PSD3: variants seen among roughly 807,000 people sequenced by gnomAD.
PSD3 encodes the protein pleckstrin and Sec7 domain containing 3.
A neutral mutation model predicts 105.5 loss-of-function variants in PSD3; 49 were observed. The ratio of observed to expected loss-of-function variants is 0.46; its 90% CI spans 0.37 to 0.59. PSD3 has a LOEUF of 0.59. PSD3 is among the 20% of genes least tolerant of loss of function. The pLI, the probability that PSD3 is intolerant of heterozygous loss-of-function variation, is 0.00. For synonymous variants in PSD3, 557 were observed against 457.8 expected (o/e 1.22, Z -2.77); for missense variants, 1,561 against 1,263.8 (o/e 1.24, Z -3.57).
At chr8:18,687,611 G>T (rs1022196436) in intron 9 of PSD3, among the ~76,000 whole-genome samples, 3 of 151,730 alleles carry the variant, frequency 2.0e-5, no homozygotes, top group Non-Finnish European at 4.4e-5. Context: ...CCCTCTGCCC[G>T]AAACAAGAAC....
Position 18,922,967 on chromosome 8 carries a change from T to G in PSD3, c.130+13067A>C, listed in dbSNP as rs1329175549. Among the ~76,000 whole-genome samples the G allele has an allele frequency of 2.6e-5, 4 of 152,070 alleles. No individual in the cohort carries two copies. In the East Asian group the frequency reaches 7.7e-4, roughly 29 times the overall value. On this transcript the variant is annotated intron_variant, in intron 2 of 15. Transcript: ENST00000327040. ...GCTCTGCAAACCCTGTCCTTTTGGG[T>G]TTTTATGGAGGCCTCATTAGTAAGC...
At chr8:18,774,751 C>A (rs1807875594) in intron 8 of PSD3, 3 of 382,058 alleles carry the variant, frequency 7.9e-6, no homozygotes, top group Non-Finnish European at 1.6e-5. Context: ...ACGGTGAGAA[C>A]ACAGGCAACA....
chr8:18,544,395 A>C (rs1191032249), intron 15 of PSD3, among the ~76,000 whole-genome samples: 2 of 152,126 alleles, frequency 1.3e-5, no homozygotes, highest in East Asian at 3.9e-4. Context: ...GCTATGCTGG[A>C]AATAACATTT....
At chr8:18,990,810 T>C (rs958925231) in intron 1 of PSD3, among the ~76,000 whole-genome samples, 1 of 152,220 alleles carries the variant, frequency 6.6e-6, no homozygotes, top group African/African-American at 2.4e-5. Context: ...ATTCCCCTGA[T>C]GATCACATTC....
chr8:18,765,842 C>T (rs1806940649), intron 8 of PSD3, among the ~76,000 whole-genome samples: 1 of 152,006 alleles, frequency 6.6e-6, no homozygotes, highest in African/African-American at 2.4e-5. Flanking sequence ...GTGGCATGCA[C>T]CTGTAGTCTC....
chr8:18,938,503 A>T (rs960757030), intron 1 of PSD3, among the ~76,000 whole-genome samples: 2 of 152,104 alleles, frequency 1.3e-5, no homozygotes, highest in African/African-American at 4.8e-5. Flanking sequence ...TGCACCTGTG[A>T]TCCCAGCTAC....
intron 1 of PSD3, among the ~76,000 whole-genome samples, chr8:19,037,370 G>T (rs1366802835): frequency 6.6e-6 from 1 of 152,240 alleles, no homozygotes; most frequent in Non-Finnish European, 1.5e-5. Flanking sequence ...CCAACCCTGG[G>T]ATTCCAGACT....
rs1799693694 is a variant in PSD3 at position 18,532,973 on chromosome 8, G to A, written c.*2770C>T. Reference sequence around the variant, plus strand: ...AAGTCCCAAGGCTCCTGGGCGCTGAGGTGGGCGACGGAGGTGGGTGGCGTA... The same window carrying A: ...AAGTCCCAAGGCTCCTGGGCGCTGAAGTGGGCGACGGAGGTGGGTGGCGTA... On this transcript the variant is annotated 3_prime_UTR_variant, in exon 16 of 16. Transcript: ENST00000327040. 1 of 152,426 alleles carries A rather than the reference G, an allele frequency of 6.6e-6. No homozygotes were observed. The allele number at this position is 152,426 out of a possible 1,614,324, so 9.4% of individuals were successfully genotyped here.
At chr8:18,637,404 G>A (rs1807334792) in intron 10 of PSD3, among the ~76,000 whole-genome samples, 1 of 152,130 alleles carries the variant, frequency 6.6e-6, no homozygotes, top group Admixed American at 6.5e-5. Context: ...ATAGAGTCAT[G>A]TACCCACTAC....
intron 1 of PSD3, among the ~76,000 whole-genome samples, chr8:18,995,437 C>A (rs1826027561): frequency 1.3e-5 from 2 of 152,000 alleles, no homozygotes; most frequent in African/African-American, 4.8e-5. Flanking sequence ...TATTGTTGTT[C>A]TGAGTCTGAA....
Position 19,047,665 on chromosome 8 carries a change from C to T in PSD3, c.324+36541G>A, listed in dbSNP as rs114241231. On this transcript the variant is annotated intron_variant, in intron 1 of 1. Transcript: ENST00000521475. ...TTCTCTGTTAATTGCTGTTCTGCCACACCTTATGTCATACCTGGCACAACA... is the reference window on the plus strand; with the variant it reads ...TTCTCTGTTAATTGCTGTTCTGCCATACCTTATGTCATACCTGGCACAACA... Among the ~76,000 whole-genome samples, 533 of 152,246 alleles carry T rather than the reference C, an allele frequency of 3.5e-3. 2 individuals carry two copies. The highest frequency in any genetic ancestry group is 0.012 in the African/African-American group (505 of 41,544).
rs560569701 is a variant in PSD3 at position 18,531,346 on chromosome 8, C to T, written c.*4397G>A. Reference sequence around the variant, plus strand: ...GCAATGGGCCAATTATTGTCATAAGCAGAAGGCTGCCCACGTGGGTTCTGG... The same window carrying T: ...GCAATGGGCCAATTATTGTCATAAGTAGAAGGCTGCCCACGTGGGTTCTGG... On this transcript the variant is annotated 3_prime_UTR_variant, in exon 16 of 16. Coordinates refer to ENST00000327040, the MANE Select transcript of PSD3 (RefSeq NM_015310.4). 1 of 152,756 alleles carries T rather than the reference C, an allele frequency of 6.5e-6. No individual in the cohort carries two copies. The highest frequency in any genetic ancestry group is 2.1e-4 in the South Asian group (1 of 4,816). The allele number at this position is 152,756 out of a possible 1,614,324, so 9.5% of individuals were successfully genotyped here.
At chr8:19,073,784 G>GT (rs1261822055) in intron 1 of PSD3, among the ~76,000 whole-genome samples, 1 of 129,718 alleles carries the variant, frequency 7.7e-6, no homozygotes, top group South Asian at 2.7e-4. Context: ...TCAGAATTGT[G>GT]TTTTTTTCTT....
chr8:18,635,522 T>A (rs1174061629), intron 10 of PSD3, among the ~76,000 whole-genome samples: 1 of 152,052 alleles, frequency 6.6e-6, no homozygotes, highest in African/African-American at 2.4e-5. Flanking sequence ...GTATCCTACT[T>A]CTATTTATTA....
intron 4 of PSD3, chr8:18,865,268 ATATATATATATATATATATTTTT>A (rs1816812812): frequency 1.5e-3 from 4 of 2,650 alleles, no homozygotes; most frequent in East Asian, 0.029. Flanking sequence ...ATATATATAT[ATATATATATATATATATATTTTT>A]TTTTTTTTTT....
At chr8:18,821,410 CA>C (rs5889828) in intron 4 of PSD3, among the ~76,000 whole-genome samples, 55,566 of 151,690 alleles carry the variant, frequency 0.37, 11,253 homozygotes, top group Middle Eastern at 0.49. Context: ...TACCAGGTTC[CA>C]AAAAGCTGCA....
chr8:18,768,422 A>C (rs1165036611), intron 8 of PSD3, among the ~76,000 whole-genome samples: 1 of 152,122 alleles, frequency 6.6e-6, no homozygotes, highest in Non-Finnish European at 1.5e-5. Context: ...CCTGGGTAAC[A>C]TCCCTCTCTA....
At chr8:18,963,829 G>GT (rs1824077844) in intron 1 of PSD3, among the ~76,000 whole-genome samples, 1 of 152,190 alleles carries the variant, frequency 6.6e-6, no homozygotes, top group South Asian at 2.1e-4. Flanking sequence ...ATTGAAAAGA[G>GT]TGAGAGGTAT....
At chr8:18,538,973 T>C (rs964713986) in intron 15 of PSD3, among the ~76,000 whole-genome samples, 56 of 152,188 alleles carry the variant, frequency 3.7e-4, no homozygotes, top group Middle Eastern at 3.4e-3. Flanking sequence ...CCTTCGAGGG[T>C]TGATGAGTTT....
Sources: allele counts gnomAD v4.1 joint callset (sites outside exome capture counted in the v4.1 genomes callset), GRCh38; gene constraint gnomAD v4.1.1; transcripts MANE v1.5; gene names NCBI Gene and HGNC (gene_info 2026-07-23, HGNC 2026-07-21).